Variants in PFKFB4 observed in about 807,000 individuals in gnomAD.
PFKFB4 encodes the protein 6-phosphofructo-2-kinase/fructose-2,6-biphosphatase 4.
In PFKFB4, 42 loss-of-function variants were observed where a neutral mutation model predicts 62.8. The observed-to-expected ratio is 0.67, with a 90% CI of 0.52 to 0.86. PFKFB4 has a LOEUF of 0.86. Among genes scored for constraint, PFKFB4 ranks in the 40% least tolerant of loss-of-function variants. The probability of loss-of-function intolerance (pLI) is 0.00; values close to 1 mark genes in which losing one functional copy is unlikely to be tolerated. For missense variants in PFKFB4, 475 were observed against 627.2 expected (o/e 0.76, Z 2.59); for synonymous variants, 204 against 240.7 (o/e 0.85, Z 1.41).
intron 7 of PFKFB4, among the ~76,000 whole-genome samples, chr3:48,537,516 CTTTTTTTTTTT>C (rs34454675): frequency 2.2e-5 from 2 of 91,374 alleles, no homozygotes; most frequent in South Asian, 3.5e-4. Flanking sequence ...CATGTGCATC[CTTTTTTTTTTT>C]TTTTTTTTTT....
chr3:48,532,753 A>C (rs2107507476), intron 9 of PFKFB4, among the ~76,000 whole-genome samples: 1 of 152,256 alleles, frequency 6.6e-6, no homozygotes, highest in East Asian at 1.9e-4. Flanking sequence ...CTAGGGAGGC[A>C]AGAGAATCGT....
In PFKFB4 at chr3:48,517,702, T is replaced by C. The variant is rs2041963183; in HGVS notation, c.*2045A>G. On this transcript the variant is annotated 3_prime_UTR_variant, in exon 14 of 14. Coordinates refer to ENST00000232375, the MANE Select transcript of PFKFB4 (RefSeq NM_004567.4). ...CCTGAGATTATTTTTTAAAAAGTATTTATTGCAAAGAATGCTGGACACAGT... is the reference window on the plus strand; with the variant it reads ...CCTGAGATTATTTTTTAAAAAGTATCTATTGCAAAGAATGCTGGACACAGT... The C allele has an allele frequency of 6.5e-6, 1 of 152,686 alleles. No individual in the cohort carries two copies. The highest frequency in any genetic ancestry group is 6.5e-5 in the Admixed American group (1 of 15,292). The allele number at this position is 152,686 out of a possible 1,614,324, so 9.5% of individuals were successfully genotyped here.
chr3:48,561,967 G>A (rs1414992045), upstream of PFKFB4: 1 of 152,290 alleles, frequency 6.6e-6, no homozygotes, highest in African/African-American at 2.4e-5. The surrounding 1 kb of genome is among the most constrained non-coding windows in gnomAD (Gnocchi z 5.2). Flanking sequence ...CCTGGGTCGA[G>A]GCTGGGGATG....
chr3:48,525,489 C>T, intron 10 of PFKFB4, 76 bp downstream of exon 10: 1 of 741,218 alleles, frequency 1.3e-6, no homozygotes, highest in Non-Finnish European at 2.2e-6. Flanking sequence ...CTGCAGAGCC[C>T]CACAGGCCCT....
chr3:48,521,345 A>G lies in PFKFB4; in HGVS notation c.1350+641T>C, dbSNP rs2107443161. On this transcript the variant is annotated intron_variant, in intron 13 of 13. Coordinates refer to ENST00000232375, the MANE Select transcript of PFKFB4 (RefSeq NM_004567.4). The surrounding 1 kb of genome is among the most constrained non-coding windows in gnomAD (Gnocchi z 5.3). ...AGCCAACATTGTGGAGGGACCCCACATGGGACTAAGAGTGGTTCTGAGCTA... is the reference window on the plus strand; with the variant it reads ...AGCCAACATTGTGGAGGGACCCCACGTGGGACTAAGAGTGGTTCTGAGCTA... 6.6e-6 allele frequency among the ~76,000 whole-genome samples: 1 copy of G among 152,258 alleles called. No homozygotes were observed. The highest frequency in any genetic ancestry group is 3.4e-3 in the Middle Eastern group (1 of 294).
chr3:48,559,898 CCACA>C (rs34826551), upstream of PFKFB4: 23,036 of 191,036 alleles, frequency 0.12, 2,024 homozygotes, highest in East Asian at 0.2. Context: ...AACCATCCCA[CCACA>C]CACACACACA....
chr3:48,544,487 A>C (rs1575389695), intron 3 of PFKFB4, among the ~76,000 whole-genome samples: 1 of 126,976 alleles, frequency 7.9e-6, no homozygotes. Context: ...TCGCTCTGCC[A>C]CCTAGGCTGG....
chr3:48,534,488 C>T (rs1215602466), intron 9 of PFKFB4, among the ~76,000 whole-genome samples: 1 of 151,936 alleles, frequency 6.6e-6, no homozygotes, highest in East Asian at 1.9e-4. Context: ...TAGGCAACAT[C>T]ATGAGACTCC....
chr3:48,524,626 G>C (rs1174779722), intron 10 of PFKFB4, among the ~76,000 whole-genome samples: 1 of 152,182 alleles, frequency 6.6e-6, no homozygotes, highest in Non-Finnish European at 1.5e-5. Flanking sequence ...TATCTGGGTT[G>C]GTTCTAAATC....
At chr3:48,535,980 T>C (rs2042591579) in intron 8 of PFKFB4, among the ~76,000 whole-genome samples, 1 of 152,180 alleles carries the variant, frequency 6.6e-6, no homozygotes, top group Admixed American at 6.5e-5. Context: ...TCTGCTACAC[T>C]GTATGGACTC....
chr3:48,526,662 C>T (rs567821819), intron 9 of PFKFB4, among the ~76,000 whole-genome samples: 19 of 147,360 alleles, frequency 1.3e-4, no homozygotes, highest in East Asian at 4.2e-4. Flanking sequence ...CCATGTAGGC[C>T]GGGCACAGTG....
chr3:48,520,510 T>C (rs2042064688), intron 13 of PFKFB4, among the ~76,000 whole-genome samples: 1 of 152,196 alleles, frequency 6.6e-6, no homozygotes, highest in Admixed American at 6.5e-5. Flanking sequence ...AGCAGGTCAC[T>C]GATGACCTGA....
intron 7 of PFKFB4, 71 bp downstream of exon 7, chr3:48,538,427 T>C (rs915824649): frequency 1.9e-5 from 30 of 1,580,738 alleles, no homozygotes; most frequent in African/African-American, 1.3e-4. Flanking sequence ...TGGGGAGCCA[T>C]AGGAGGCAGC....
intron 1 of PFKFB4, among the ~76,000 whole-genome samples, chr3:48,550,793 C>T (rs1409650274): frequency 6.6e-6 from 1 of 152,234 alleles, no homozygotes; most frequent in African/African-American, 2.4e-5. Context: ...CCATGGCCAC[C>T]GGGAACACCC....
chr3:48,553,330 C>T (rs887093948), intron 1 of PFKFB4, among the ~76,000 whole-genome samples: 4 of 152,096 alleles, frequency 2.6e-5, no homozygotes, highest in East Asian at 1.9e-4. Context: ...AAAAATTAGC[C>T]GGGTGTGGTG....
intron 9 of PFKFB4, among the ~76,000 whole-genome samples, chr3:48,534,686 AAG>A: frequency 6.6e-6 from 1 of 151,922 alleles, no homozygotes; most frequent in African/African-American, 2.4e-5. Context: ...AAAAAAAAAA[AAG>A]AAGAAAAGAA....
At chr3:48,525,723 G>C (rs2042236812) in intron 9 of PFKFB4, 54 bp from the exon 10 acceptor site, 4 of 905,074 alleles carry the variant, frequency 4.4e-6, no homozygotes, top group Non-Finnish European at 6.8e-6. Context: ...GATGAGCCTT[G>C]GGGACATGTG....
rs747384908 is a variant in PFKFB4, at chr3:48,556,786, C to T, written c.-9G>A. On this transcript the variant is annotated 5_prime_UTR_variant, in exon 1 of 14. Transcript: ENST00000232375. This position sits in a 1 kb window ranked among gnomAD's most constrained non-coding sequence, Gnocchi z 5.7. ...TCCCGTGGGGACGCCATCCCGGGGC[C>T]GGGATGAGTCGGACTGCGCCGCTTC... is the stretch of plus-strand genomic sequence containing the variant. 2 of 1,598,512 alleles carry T rather than the reference C, an allele frequency of 1.3e-6. No homozygotes were observed. Among genetic ancestry groups the T allele is most frequent in the Non-Finnish European group, 1.7e-6 (2 of 1,173,054 alleles).
intron 9 of PFKFB4, among the ~76,000 whole-genome samples, chr3:48,530,023 C>T (rs866994587): frequency 2.0e-4 from 30 of 151,738 alleles, no homozygotes; most frequent in Middle Eastern, 3.2e-3. Context: ...GAGGCCAAGG[C>T]GGGTGGATCA....
Sources: gnomAD v4.1 joint callset for allele counts (sites outside exome capture counted in the v4.1 genomes callset) on GRCh38, gnomAD v4.1.1 for gene constraint, Gnocchi (gnomAD v3.1) non-coding constraint, MANE v1.5 for transcripts, NCBI Gene and HGNC (gene_info 2026-07-23, HGNC 2026-07-21) for gene names.